RPS6KA3: variants seen among roughly 807,000 people sequenced by gnomAD.
RPS6KA3 encodes ribosomal protein S6 kinase A3, also known as ribosomal protein S6 kinase alpha-3.
A neutral mutation model predicts 67.2 loss-of-function variants in RPS6KA3; 4 were observed. The observed-to-expected ratio is 0.06, with a 90% CI of 0.03 to 0.14. The LOEUF is 0.14. RPS6KA3 is among the 10% of genes least tolerant of loss of function. RPS6KA3 has a pLI of 1.00. For synonymous variants in RPS6KA3, 182 were observed against 183.7 expected, an observed-to-expected ratio of 0.99 and a Z score of 0.07; for missense variants, 204 against 559.0, an observed-to-expected ratio of 0.36 and a Z score of 6.40.
At chrX:20,157,553 G>A (rs1294437259) in intron 20 of RPS6KA3, among the ~76,000 whole-genome samples, 1 of 108,785 alleles carries the variant, frequency 9.2e-6, no homozygotes, top group African/African-American at 3.3e-5. Context: ...GAAGTTTTCA[G>A]TTCAGTGAAG....
chrX:20,168,420 G>T (rs958917476), intron 16 of RPS6KA3, among the ~76,000 whole-genome samples: 1 of 111,761 alleles, frequency 8.9e-6, no homozygotes, highest in African/African-American at 3.3e-5. Context: ...GCATGCGCAA[G>T]AAATTTACAT....
intron 5 of RPS6KA3, among the ~76,000 whole-genome samples, chrX:20,194,648 T>C (rs1382665818): frequency 9.0e-6 from 1 of 111,421 alleles, no homozygotes; most frequent in Admixed American, 9.6e-5. Context: ...CACCACACCT[T>C]TACCCACTGA....
Position 20,209,337 on chromosome X carries a change from G to A in RPS6KA3, c.194C>T (p.Pro65Leu), listed in dbSNP as rs1334873346. Residue 65 changes from proline (P) to leucine (L), a missense_variant, in exon 3 of 22, where the codon CCT (proline) becomes CTT (leucine). Physicochemically the swap from Pro to Leu is moderately conservative, Grantham distance 98 (BLOSUM62 -3). Around this residue, in one of 4 missense-constraint regions of RPS6KA3, gnomAD observed 76 missense variants for 250.3 expected, o/e 0.30. Transcript: ENST00000379565. The part of the protein sequence containing the change: ...HVKEGHEKAD[P>L]SQFELLKVLG... ...TACTTTTAAAAGTTCAAACTGGGAA[G>A]GATCTGCCTTTTCATGTCCTTCCTT... 1 of 1,201,763 alleles carries A rather than the reference G, an allele frequency of 8.3e-7. No homozygotes were observed. Among genetic ancestry groups the A allele is most frequent in the Non-Finnish European group, 1.1e-6 (1 of 886,674 alleles).
chrX:20,241,831 T>C (rs757133114), intron 1 of RPS6KA3: 2 of 112,019 alleles, frequency 1.8e-5, no homozygotes, highest in African/African-American at 6.5e-5. Context: ...AGTTATGATC[T>C]AAGAATTTTA....
intron 16 of RPS6KA3, among the ~76,000 whole-genome samples, chrX:20,168,448 C>T (rs1365529414): frequency 9.0e-6 from 1 of 111,633 alleles, no homozygotes; most frequent in Non-Finnish European, 1.9e-5. Context: ...CACAGAGCAT[C>T]AGGTGTATGA....
intron 20 of RPS6KA3, among the ~76,000 whole-genome samples, chrX:20,157,424 C>A (rs1272070051): frequency 9.6e-6 from 1 of 104,557 alleles, no homozygotes; most frequent in Non-Finnish European, 2.0e-5. Context: ...ATCATTTGAG[C>A]CCAGGAAGTC....
chrX:20,161,422 C>T, intron 20 of RPS6KA3, among the ~76,000 whole-genome samples: 1 of 111,907 alleles, frequency 8.9e-6, no homozygotes, highest in East Asian at 2.8e-4. Context: ...TTATCACGTT[C>T]TTCAGTGAGA....
At chrX:20,225,239 TTTTG>T (rs1216639638) in intron 2 of RPS6KA3, among the ~76,000 whole-genome samples, 5 of 92,813 alleles carry the variant, frequency 5.4e-5, no homozygotes, top group Non-Finnish European at 8.5e-5. Flanking sequence ...GGTTTTTTTT[TTTTG>T]TTTTTTTTTT....
chrX:20,167,765 A>G lies in RPS6KA3; in HGVS notation c.1444-18T>C, dbSNP rs760333956. 1 of 1,017,860 alleles carries G rather than the reference A, an allele frequency of 9.8e-7. No individual in the cohort carries two copies. Among genetic ancestry groups the G allele is most frequent in the Non-Finnish European group, 1.4e-6 (1 of 719,938 alleles). 83.9% of individuals were successfully genotyped at this position (1,017,860 alleles called of 1,213,427 possible). On this transcript the variant is annotated intron_variant, in intron 16 of 21. Transcript: ENST00000379565. ...TCATATACCTATAAATTTCAACATC[A>G]AAATGTAAATATTATTTGAAACTAT...
intron 20 of RPS6KA3, among the ~76,000 whole-genome samples, chrX:20,161,329 G>A (rs2067299684): frequency 9.0e-6 from 1 of 111,301 alleles, no homozygotes; most frequent in South Asian, 3.8e-4. Flanking sequence ...GGTGTTATGA[G>A]GATTACATGA....
intron 1 of RPS6KA3, 50 bp downstream of exon 1, chrX:20,266,514 G>A: frequency 9.7e-7 from 1 of 1,030,227 alleles, no homozygotes; most frequent in Admixed American, 2.6e-5. Flanking sequence ...GCGAGCCGGC[G>A]GGGGCGCGAG....
At chrX:20,199,991 C>T (rs2068382617) in intron 4 of RPS6KA3, among the ~76,000 whole-genome samples, 1 of 112,088 alleles carries the variant, frequency 8.9e-6, no homozygotes, top group Non-Finnish European at 1.9e-5. Context: ...ATTTAGTATC[C>T]ATTTACTCAT....
At chrX:20,256,172 CAAAAAAAAAAA>C (rs35947983) in intron 1 of RPS6KA3, among the ~76,000 whole-genome samples, 3 of 14,471 alleles carry the variant, frequency 2.1e-4, no homozygotes, top group Admixed American at 1.3e-3. Flanking sequence ...GACACCGTCT[CAAAAAAAAAAA>C]AAAAAAAAAA....
At chrX:20,213,944 T>TAAAA (rs200281745) in intron 2 of RPS6KA3, among the ~76,000 whole-genome samples, 2 of 104,594 alleles carry the variant, frequency 1.9e-5, no homozygotes, top group African/African-American at 6.9e-5. Flanking sequence ...TGAGGGGACT[T>TAAAA]AAAAAAAAAA....
chrX:20,203,041 A>G lies in RPS6KA3; in HGVS notation c.325+981T>C, dbSNP rs189239588. On this transcript the variant is annotated intron_variant, in intron 4 of 21. Coordinates refer to ENST00000379565, the MANE Select transcript of RPS6KA3 (RefSeq NM_004586.3). The stretch of plus-strand genomic sequence containing the variant: ...AGAAGTGAAATTTCTTGGGATGTCC[A>G]TGGTGGGTAACTAATTGGGAATAAC... 8.9e-5 allele frequency among the ~76,000 whole-genome samples: 10 copies of G among 111,936 alleles called. No homozygotes were observed. In the East Asian group the frequency reaches 1.1e-3, roughly 13 times the overall value.
Position 20,194,283 on chromosome X carries a change from G to A in RPS6KA3, c.407-15C>T. Reference sequence around the variant, plus strand: ...AGTTTGAAAAGCTGAATGAAGAAATGAAAATTTTCATTTAGTCCACCATAA... The same window carrying A: ...AGTTTGAAAAGCTGAATGAAGAAATAAAAATTTTCATTTAGTCCACCATAA... On this transcript the variant is annotated splice_polypyrimidine_tract_variant and intron_variant, in intron 5 of 21. Transcript: ENST00000379565. 4 of 1,103,631 alleles carry A rather than the reference G, an allele frequency of 3.6e-6. No individual in the cohort carries two copies. The highest frequency in any genetic ancestry group is 5.0e-6 in the Non-Finnish European group (4 of 799,421). 91.0% of individuals were successfully genotyped at this position (1,103,631 alleles called of 1,213,427 possible).
intron 14 of RPS6KA3, 123 bp from the exon 15 acceptor site, chrX:20,172,994 A>G: frequency 7.1e-6 from 4 of 567,039 alleles, no homozygotes; most frequent in Middle Eastern, 4.9e-4. Flanking sequence ...GAATAAAAAT[A>G]CATCTTTATA....
At chrX:20,247,181 T>C (rs1236725517) in intron 1 of RPS6KA3, among the ~76,000 whole-genome samples, 2 of 111,737 alleles carry the variant, frequency 1.8e-5, no homozygotes, top group Non-Finnish European at 3.8e-5. Flanking sequence ...ATGCCTGAAA[T>C]CCCAGCACTT....
chrX:20,255,470 A>T (rs1476875587), intron 1 of RPS6KA3, among the ~76,000 whole-genome samples: 1 of 111,995 alleles, frequency 8.9e-6, no homozygotes, highest in Non-Finnish European at 1.9e-5. Context: ...GGTGAATTTT[A>T]TAGTATGTAA....
Sources: gnomAD v4.1 joint callset for allele counts (sites outside exome capture counted in the v4.1 genomes callset) on GRCh38, gnomAD v4.1.1 for gene constraint, gnomAD v4.1.1 regional missense constraint, MANE v1.5 for transcripts, NCBI Gene and HGNC (gene_info 2026-07-23, HGNC 2026-07-21) for gene names.